Variants in NADSYN1 observed in about 807,000 individuals in gnomAD.
NADSYN1 encodes glutamine-dependent NAD(+) synthetase.
A neutral mutation model predicts 99.3 loss-of-function variants in NADSYN1; 80 were observed. The observed-to-expected ratio is 0.81, with a 90% CI of 0.67 to 0.97. The LOEUF is 0.97. Ranked by LOEUF, NADSYN1 falls within the 50% of genes least tolerant of loss-of-function variation. The probability of loss-of-function intolerance (pLI) is 0.00; values close to 1 mark genes in which losing one functional copy is unlikely to be tolerated. For missense variants in NADSYN1, 859 were observed against 948.5 expected, an observed-to-expected ratio of 0.91 and a Z score of 1.24; for synonymous variants, 385 against 372.1, an observed-to-expected ratio of 1.03 and a Z score of -0.40.
intron 11 of NADSYN1, 105 bp downstream of exon 11, chr11:71,480,984 G>A (rs1412781161): frequency 6.7e-7 from 1 of 1,489,158 alleles, no homozygotes; most frequent in Admixed American, 2.0e-5. Flanking sequence ...ACCTGCCTGG[G>A]TGGGGACTTG....
At chr11:71,471,511 G>T (rs1408281701) in intron 5 of NADSYN1, among the ~76,000 whole-genome samples, 1 of 152,232 alleles carries the variant, frequency 6.6e-6, no homozygotes, top group Non-Finnish European at 1.5e-5. Flanking sequence ...GTACATGCCT[G>T]TCCCGCTGGG....
intron 1 of NADSYN1, among the ~76,000 whole-genome samples, chr11:71,454,197 TGCCC>T (rs1462251574): frequency 3.9e-5 from 6 of 152,116 alleles, no homozygotes; most frequent in Admixed American, 6.5e-5. Context: ...AATCAGTATG[TGCCC>T]TGGATTATTA....
chr11:71,464,152 G>C lies in NADSYN1; in HGVS notation c.407+10G>C, dbSNP rs367728142. Reference sequence around the variant, plus strand: ...CGTGGTCGAGGAGTCGGTGAGTCGGGTGCCTGACCACTCCTGGGATGTGCG... The same window carrying C: ...CGTGGTCGAGGAGTCGGTGAGTCGGCTGCCTGACCACTCCTGGGATGTGCG... On this transcript the variant is annotated intron_variant, in intron 5 of 20. Coordinates refer to ENST00000319023, the MANE Select transcript of NADSYN1 (RefSeq NM_018161.5). The C allele has an allele frequency of 6.6e-5, 105 of 1,598,212 alleles. No homozygotes were observed. Among genetic ancestry groups the C allele is most frequent in the South Asian group, 5.5e-4 (49 of 88,724 alleles).
intron 3 of NADSYN1, chr11:71,461,053 C>T (rs1321293291): frequency 2.6e-5 from 4 of 152,154 alleles, no homozygotes; most frequent in Non-Finnish European, 5.9e-5. Context: ...TTGCCTACAA[C>T]TGTTTTTGTC....
intron 8 of NADSYN1, 65 bp from the exon 9 acceptor site, chr11:71,474,330 G>C (rs965790096): frequency 1.2e-6 from 2 of 1,604,790 alleles, no homozygotes; most frequent in Admixed American, 1.7e-5. Flanking sequence ...CCTGTACTTG[G>C]GCAGGTGGCA....
At chr11:71,480,920 G>A (rs1426226343) in intron 11 of NADSYN1, 41 bp downstream of exon 11, 6 of 1,609,470 alleles carry the variant, frequency 3.7e-6, no homozygotes, top group African/African-American at 2.7e-5. Context: ...TGGCGTCTGT[G>A]TGGCCACGCC....
intron 5 of NADSYN1, among the ~76,000 whole-genome samples, chr11:71,471,844 A>C (rs986923362): frequency 3.3e-5 from 5 of 152,194 alleles, no homozygotes. Context: ...CTAAGAAAGC[A>C]AAAAGGAAAC....
chr11:71,478,676 G>A (rs976337211), intron 10 of NADSYN1: 2 of 549,922 alleles, frequency 3.6e-6, no homozygotes, highest in Admixed American at 2.9e-5. Flanking sequence ...CTTGGGCCAG[G>A]CCCTGAGCTG....
rs866863081 is a variant in NADSYN1, at chr11:71,495,041, C to A, written c.1765-2442C>A. Among the ~76,000 whole-genome samples the A allele has an allele frequency of 2.6e-5, 4 of 151,982 alleles. No homozygotes were observed. The South Asian group carries it at 8.3e-4, about 31-fold the overall frequency. ...TCTTTCATTAATTTCCCTCTGATCT[C>A]TGTCATTTCCTTCCTCGTGCTGGCT... On this transcript the variant is annotated intron_variant, in intron 18 of 20. Coordinates refer to ENST00000319023, the MANE Select transcript of NADSYN1 (RefSeq NM_018161.5).
intron 18 of NADSYN1, among the ~76,000 whole-genome samples, chr11:71,493,671 G>A (rs1949799459): frequency 1.3e-5 from 2 of 152,178 alleles, no homozygotes; most frequent in Admixed American, 6.5e-5. Context: ...AACTTCCTTA[G>A]GTCACAAGGA....
intron 14 of NADSYN1, among the ~76,000 whole-genome samples, chr11:71,483,814 G>A (rs1264451733): frequency 6.6e-6 from 1 of 152,244 alleles, no homozygotes; most frequent in African/African-American, 2.4e-5. Flanking sequence ...ATGAACGGAG[G>A]AAGAAACTGT....
chr11:71,501,021 G>A (rs1046238817), intron 20 of NADSYN1, among the ~76,000 whole-genome samples: 3 of 152,138 alleles, frequency 2.0e-5, no homozygotes, highest in Non-Finnish European at 4.4e-5. Context: ...CAGGAAGGGG[G>A]TTCAGACACT....
At chr11:71,463,668 G>A (rs1949566483) in intron 4 of NADSYN1, among the ~76,000 whole-genome samples, 183 bp downstream of exon 4, 1 of 125,522 alleles carries the variant, frequency 8.0e-6, no homozygotes, top group African/African-American at 3.0e-5. Flanking sequence ...TGCTTTTCTG[G>A]GTCTCAGCCA....
At position 71,473,614 on chromosome 11, in the gene NADSYN1, C is replaced by A; in HGVS notation, c.594C>A (p.Asn198Lys). 6.2e-7 allele frequency: 1 copy of A among 1,613,076 alleles called. No homozygotes were observed. Among genetic ancestry groups the A allele is most frequent in the Non-Finnish European group, 8.5e-7 (1 of 1,179,862 alleles). The change falls in exon 8 of 21, where the codon AAC (asparagine) becomes AAA (lysine). Residue 198 changes from asparagine to lysine, a missense_variant. Asn to Lys is a moderately conservative substitution (Grantham distance 94). Transcript: ENST00000319023. ...MGLDGVEIIT[N>K]ASGSHQVLRK... Reference sequence around the variant, plus strand: ...TGGATGGCGTGGAGATCATCACCAACGCCTCGGGCAGCCACCAAGTGCTGC... The same window carrying A: ...TGGATGGCGTGGAGATCATCACCAAAGCCTCGGGCAGCCACCAAGTGCTGC...
chr11:71,501,245 C>T, intron 20 of NADSYN1, 57 bp from the exon 21 acceptor site: 2 of 1,448,318 alleles, frequency 1.4e-6, no homozygotes, highest in Non-Finnish European at 1.8e-6. Context: ...GCCAGTGTTT[C>T]AACAGCCCCA....
Position 71,478,402 on chromosome 11 carries a change from T to C in NADSYN1, c.806T>C (p.Leu269Pro). The C allele has an allele frequency of 5.6e-6, 9 of 1,606,502 alleles. No homozygotes were observed. Among genetic ancestry groups the C allele is most frequent in the Non-Finnish European group, 6.8e-6 (8 of 1,176,628 alleles). Residue 269 changes from leucine (L) to proline (P), a missense_variant, in exon 10 of 21, where the codon CTG (leucine) becomes CCG (proline). Leu to Pro is a moderately conservative substitution (Grantham distance 98). Transcript: ENST00000319023. ...TGAAATTTCCTTCTCCAGGAAGTCC[T>C]GACGGCCACGCTGGATCTGGAGGAC... ...SQFSLDDVEV[L>P]TATLDLEDVR...
At chr11:71,464,381 G>A in intron 5 of NADSYN1, 1 of 460,630 alleles carries the variant, frequency 2.2e-6, no homozygotes, top group Admixed American at 3.6e-5. Flanking sequence ...AGGGGCTCAG[G>A]GCGCGGTTAC....
At chr11:71,477,164 C>A in intron 9 of NADSYN1, 1 of 1,143,554 alleles carries the variant, frequency 8.7e-7, no homozygotes, top group Non-Finnish European at 1.1e-6. Context: ...TTCTCAGGGT[C>A]TTCCTAATCC....
chr11:71,454,587 A>C (rs1949500961), intron 1 of NADSYN1, among the ~76,000 whole-genome samples: 1 of 94,552 alleles, frequency 1.1e-5, no homozygotes, highest in Non-Finnish European at 3.3e-5. Context: ...TGAACTGAAG[A>C]AGGCTTGGCC....
Sources: allele counts gnomAD v4.1 joint callset (sites outside exome capture counted in the v4.1 genomes callset), GRCh38; gene constraint gnomAD v4.1.1; transcripts MANE v1.5; gene names NCBI Gene and HGNC (gene_info 2026-07-23, HGNC 2026-07-21).